BEND6: variants seen among roughly 807,000 people sequenced by gnomAD.
BEND6 encodes the protein BEN domain-containing protein 6.
Under a neutral mutation model 31.8 loss-of-function variants are expected in BEND6, and 24 were observed. The observed-to-expected ratio is 0.75, with a 90% CI of 0.55 to 1.06. The LOEUF (loss-of-function observed/expected upper bound fraction) is 1.06, where lower values mean the gene tolerates loss of function less well. BEND6 is among the 50% of genes least tolerant of loss of function. The pLI is 0.00. For synonymous variants in BEND6, 109 were observed against 114.6 expected, an observed-to-expected ratio of 0.95 and a Z score of 0.31; for missense variants, 294 against 327.4, an observed-to-expected ratio of 0.90 and a Z score of 0.79.
At chr6:56,970,797 A>T (rs1275388253) in intron 1 of BEND6, among the ~76,000 whole-genome samples, 2 of 152,190 alleles carry the variant, frequency 1.3e-5, no homozygotes, top group Non-Finnish European at 2.9e-5. Context: ...TGATATGTCT[A>T]TATCTGGTTG....
At chr6:57,021,847 C>T (rs1827753492) in intron 6 of BEND6, among the ~76,000 whole-genome samples, 1 of 152,092 alleles carries the variant, frequency 6.6e-6, no homozygotes, top group Non-Finnish European at 1.5e-5. Context: ...TGGGGGGCGG[C>T]GGAGAGGGAG....
At chr6:56,957,984 A>G (rs1825151572) in intron 1 of BEND6, among the ~76,000 whole-genome samples, 1 of 152,200 alleles carries the variant, frequency 6.6e-6, no homozygotes, top group African/African-American at 2.4e-5. Flanking sequence ...AAAATGGGGC[A>G]TCTTATTCCT....
chr6:57,008,272 G>A (rs1192310848), intron 3 of BEND6: 14 of 702,030 alleles, frequency 2.0e-5, no homozygotes, highest in Middle Eastern at 2.3e-4. Context: ...GGGTCCTGGT[G>A]CTAGGAATCA....
chr6:57,020,628 G>C (rs1827710956), intron 6 of BEND6, among the ~76,000 whole-genome samples: 1 of 151,870 alleles, frequency 6.6e-6, no homozygotes, highest in Non-Finnish European at 1.5e-5. Context: ...CACCATGTTG[G>C]CCAGGCTGGT....
At chr6:57,005,460 G>C (rs1449042023) in intron 3 of BEND6, among the ~76,000 whole-genome samples, 1 of 152,046 alleles carries the variant, frequency 6.6e-6, no homozygotes, top group Non-Finnish European at 1.5e-5. Flanking sequence ...TGGACCACCT[G>C]AGGTCAAGAG....
At chr6:57,014,492 C>A (rs1376363693) in intron 3 of BEND6, 1 of 1,524,746 alleles carries the variant, frequency 6.6e-7, no homozygotes, top group Admixed American at 2.2e-5. Context: ...ACAGAGAAGA[C>A]CATTTTACAT....
intron 1 of BEND6, among the ~76,000 whole-genome samples, chr6:56,971,958 A>C (rs539578383): frequency 6.6e-6 from 1 of 152,098 alleles, no homozygotes; most frequent in African/African-American, 2.4e-5. Flanking sequence ...TTTAATTTGC[A>C]TGAAGTCCAA....
chr6:56,960,253 G>A (rs542134978), intron 1 of BEND6, among the ~76,000 whole-genome samples: 4 of 151,960 alleles, frequency 2.6e-5, no homozygotes, highest in African/African-American at 9.7e-5. Context: ...GTTATAAATC[G>A]CTGAGCAATA....
At chr6:56,957,910 A>G (rs1250710600) in intron 1 of BEND6, among the ~76,000 whole-genome samples, 1 of 152,214 alleles carries the variant, frequency 6.6e-6, no homozygotes, top group Admixed American at 6.5e-5. Flanking sequence ...AAGGAAATTA[A>G]AATATTGTGT....
intron 1 of BEND6, among the ~76,000 whole-genome samples, chr6:56,974,802 T>A (rs1293717969): frequency 6.6e-6 from 1 of 152,202 alleles, no homozygotes; most frequent in Non-Finnish European, 1.5e-5. Flanking sequence ...ATATCTCAAG[T>A]AATCTACCAT....
chr6:57,015,784 C>T (rs531524047), intron 4 of BEND6, among the ~76,000 whole-genome samples: 3 of 148,474 alleles, frequency 2.0e-5, no homozygotes, highest in Non-Finnish European at 4.4e-5. Context: ...GCACTCCAGC[C>T]TGGGCGACAG....
chr6:56,992,683 T>A (rs1254247107), intron 3 of BEND6, 128 bp downstream of exon 3: 19 of 1,035,034 alleles, frequency 1.8e-5, no homozygotes, highest in Non-Finnish European at 2.3e-5. Flanking sequence ...AATCACAGTT[T>A]TAGAAAAAAT....
intron 3 of BEND6, chr6:57,011,020 A>G (rs1475416740): frequency 1.6e-5 from 4 of 245,400 alleles, no homozygotes; most frequent in Admixed American, 6.5e-5. Flanking sequence ...ACCACTTTAC[A>G]AAAACCATTT....
At chr6:56,979,841 A>G (rs927783750) in intron 1 of BEND6, among the ~76,000 whole-genome samples, 9 of 152,212 alleles carry the variant, frequency 5.9e-5, no homozygotes, top group Non-Finnish European at 1.3e-4. Flanking sequence ...TCACAAATAG[A>G]CTTTTGTATT....
Position 56,983,198 on chromosome 6 carries a change from A to G in BEND6, c.120+1268A>G, listed in dbSNP as rs9475764. On this transcript the variant is annotated intron_variant, in intron 2 of 6. Transcript: ENST00000370746. Reference sequence around the variant, plus strand: ...AAATTTTATTGTGTATATTTCAGGTATATAACATCACGTTATAGGAAACAT... The same window carrying G: ...AAATTTTATTGTGTATATTTCAGGTGTATAACATCACGTTATAGGAAACAT... Among the ~76,000 whole-genome samples, 534 of 152,308 alleles carry G rather than the reference A, an allele frequency of 3.5e-3. 3 individuals carry two copies. Among genetic ancestry groups the G allele is most frequent in the African/African-American group, 0.013 (520 of 41,566 alleles).
At position 57,018,398 on chromosome 6, in the gene BEND6, G is replaced by A. The variant is rs146779382; in HGVS notation, c.713-23G>A. On this transcript the variant is annotated intron_variant, in intron 5 of 6. Coordinates refer to ENST00000370746, the MANE Select transcript of BEND6 (RefSeq NM_152731.3). ...GCAAAGCACTCATGAAGTTTCTCAT[G>A]TGTCGCTATTGGTTTTTTACAGGAG... The A allele has an allele frequency of 6.9e-4, 1,080 of 1,574,726 alleles. 6 individuals carry two copies. The African/African-American group carries it at 0.013, about 19-fold the overall frequency.
At chr6:57,005,205 TA>T (rs1404302179) in intron 3 of BEND6, among the ~76,000 whole-genome samples, 1 of 152,134 alleles carries the variant, frequency 6.6e-6, no homozygotes, top group Non-Finnish European at 1.5e-5. Flanking sequence ...CTACCAGTTT[TA>T]AAAAGTCAGT....
chr6:57,000,599 C>A (rs556875031), intron 3 of BEND6, among the ~76,000 whole-genome samples: 10 of 146,110 alleles, frequency 6.8e-5, no homozygotes, highest in Non-Finnish European at 1.2e-4. Context: ...AAAAAAAAAA[C>A]CATAAATAAC....
intron 1 of BEND6, chr6:56,975,808 T>C (rs1825851609): frequency 1.9e-6 from 1 of 536,424 alleles, no homozygotes; most frequent in Non-Finnish European, 3.7e-6. Flanking sequence ...CCATAATATA[T>C]TGTCCATTTA....
Sources: allele counts gnomAD v4.1 joint callset (sites outside exome capture counted in the v4.1 genomes callset), GRCh38; gene constraint gnomAD v4.1.1; transcripts MANE v1.5; gene names NCBI Gene and HGNC (gene_info 2026-07-23, HGNC 2026-07-21).